The following PDE4B variants were observed in gnomAD, a reference collection of about 807,000 sequenced individuals.
PDE4B encodes the protein 3',5'-cyclic-AMP phosphodiesterase 4B.
PDE4B carries 20 observed loss-of-function variants against 82.2 expected under a neutral mutation model. The ratio of observed to expected loss-of-function variants is 0.24; its 90% CI spans 0.17 to 0.35. The LOEUF is 0.35. PDE4B is among the 10% of genes least tolerant of loss of function. The probability of loss-of-function intolerance (pLI) is 1.00; values close to 1 mark genes in which losing one functional copy is unlikely to be tolerated. For missense variants in PDE4B, 655 were observed against 907.2 expected, an observed-to-expected ratio of 0.72 and a Z score of 3.57; for synonymous variants, 320 against 318.9, an observed-to-expected ratio of 1.00 and a Z score of -0.04.
chr1:65,917,568 C>T (rs1273104415), intron 2 of PDE4B, among the ~76,000 whole-genome samples: 1 of 152,134 alleles, frequency 6.6e-6, no homozygotes, highest in Non-Finnish European at 1.5e-5. Flanking sequence ...TCATTTGGGC[C>T]TCCCACTCCC....
chr1:66,132,994 A>C (rs956183947), intron 3 of PDE4B, among the ~76,000 whole-genome samples: 2 of 152,220 alleles, frequency 1.3e-5, no homozygotes, highest in African/African-American at 4.8e-5. Flanking sequence ...CTGAGGTGGC[A>C]GTGAGATGCA....
intron 6 of PDE4B, among the ~76,000 whole-genome samples, chr1:66,260,392 G>T (rs1198777761): frequency 6.6e-6 from 1 of 152,128 alleles, no homozygotes. Context: ...AAGACATTTA[G>T]GAAGAACTTA....
chr1:66,133,791 C>T (rs572351107), intron 3 of PDE4B, among the ~76,000 whole-genome samples: 3 of 152,188 alleles, frequency 2.0e-5, no homozygotes, highest in East Asian at 3.8e-4. Flanking sequence ...AGAGCCCAGG[C>T]CCTTTGTACT....
At chr1:66,119,086 C>G (rs1242005269) in intron 3 of PDE4B, among the ~76,000 whole-genome samples, 1 of 152,180 alleles carries the variant, frequency 6.6e-6, no homozygotes, top group Non-Finnish European at 1.5e-5. Flanking sequence ...ATCAGAAGAG[C>G]CTTAGAGATC....
intron 3 of PDE4B, among the ~76,000 whole-genome samples, chr1:66,195,024 T>G (rs1165046263): frequency 1.3e-5 from 2 of 152,124 alleles, no homozygotes; most frequent in Non-Finnish European, 2.9e-5. Flanking sequence ...AAACCAAACT[T>G]TGGTTTACAG....
At chr1:66,168,686 C>T (rs1646782703) in intron 3 of PDE4B, among the ~76,000 whole-genome samples, 1 of 152,178 alleles carries the variant, frequency 6.6e-6, no homozygotes, top group African/African-American at 2.4e-5. Flanking sequence ...AGATGTTCAG[C>T]TGGTTAACGA....
intron 1 of PDE4B, among the ~76,000 whole-genome samples, chr1:65,882,085 A>G (rs1222431545): frequency 1.3e-5 from 2 of 152,210 alleles, no homozygotes; most frequent in Admixed American, 1.3e-4. Flanking sequence ...TAAGCAAGGG[A>G]AAGCCTTGCT....
At chr1:66,078,341 C>T (rs1484006549) in intron 3 of PDE4B, among the ~76,000 whole-genome samples, 1 of 151,976 alleles carries the variant, frequency 6.6e-6, no homozygotes, top group Non-Finnish European at 1.5e-5. Flanking sequence ...GGACTACAGG[C>T]ACATGTCACC....
rs539623570 is a variant in PDE4B, at chr1:66,168,765, C to A, written c.282-78695C>A. Among the ~76,000 whole-genome samples, 449 of 152,310 alleles carry A rather than the reference C, an allele frequency of 2.9e-3. 4 individuals carry two copies. The highest frequency in any genetic ancestry group is 0.01 in the African/African-American group (434 of 41,564). ...ATTTTGAAAATAAACTGTAGCAGGA[C>A]AAGGGCATAAGAGGAAGTCCAGTTA... On this transcript the variant is annotated intron_variant, in intron 3 of 16. Coordinates refer to ENST00000341517, the MANE Select transcript of PDE4B (RefSeq NM_002600.4).
intron 3 of PDE4B, among the ~76,000 whole-genome samples, chr1:66,063,716 T>C (rs1487593159): frequency 6.6e-6 from 1 of 151,976 alleles, no homozygotes; most frequent in East Asian, 1.9e-4. Context: ...ATAGAGCAAT[T>C]TTTTTAATTA....
chr1:66,206,021 G>T (rs1649518736), intron 3 of PDE4B, among the ~76,000 whole-genome samples: 1 of 152,174 alleles, frequency 6.6e-6, no homozygotes, highest in Non-Finnish European at 1.5e-5. Context: ...AATGTGCTAG[G>T]AATCAGGGGT....
chr1:65,975,506 A>T (rs1650358692), intron 3 of PDE4B, among the ~76,000 whole-genome samples: 1 of 152,244 alleles, frequency 6.6e-6, no homozygotes, highest in Non-Finnish European at 1.5e-5. Flanking sequence ...CTACTTCAGA[A>T]ATTTGCATAA....
In PDE4B at chr1:66,299,524, G is replaced by A. The variant is rs527850832; in HGVS notation, c.635-32984G>A. Among the ~76,000 whole-genome samples the A allele has an allele frequency of 3.3e-5, 5 of 152,182 alleles. No homozygotes were observed. In the East Asian group the frequency reaches 9.6e-4, roughly 29 times the overall value. ...TATTGTCAATAGTGCTGCAATAAAC[G>A]TGGGGTGCAGATATCTCTCCAATAC... On this transcript the variant is annotated intron_variant, in intron 7 of 16. Transcript: ENST00000341517.
chr1:66,194,161 T>G (rs1332473846), intron 3 of PDE4B, among the ~76,000 whole-genome samples: 1 of 152,074 alleles, frequency 6.6e-6, no homozygotes, highest in African/African-American at 2.4e-5. Context: ...AAGATGTTAT[T>G]CAGCTCTCAT....
At chr1:66,050,152 A>G (rs1328664159) in intron 3 of PDE4B, among the ~76,000 whole-genome samples, 7 of 152,108 alleles carry the variant, frequency 4.6e-5, no homozygotes. Context: ...CTAATATAAT[A>G]TGAGGAAACT....
rs1409031902 is a variant in PDE4B at position 65,997,235 on chromosome 1, T to C, written c.281+78400T>C. On this transcript the variant is annotated intron_variant, in intron 3 of 16. Transcript: ENST00000341517. ...GTGAGGACTACCCTCTATCTCTCTG[T>C]CCATGCTTGCACACAGGAAACAATA... Among the ~76,000 whole-genome samples, 12 of 148,544 alleles carry C rather than the reference T, an allele frequency of 8.1e-5. No individual in the cohort carries two copies. The South Asian group carries it at 2.1e-3, about 26-fold the overall frequency.
At chr1:66,039,086 C>T (rs531184788) in intron 3 of PDE4B, among the ~76,000 whole-genome samples, 11 of 151,954 alleles carry the variant, frequency 7.2e-5, no homozygotes, top group African/African-American at 2.4e-4. Flanking sequence ...GTTCTTGTTA[C>T]CTGAATAAAA....
chr1:66,115,416 C>G, intron 3 of PDE4B, among the ~76,000 whole-genome samples: 1 of 151,408 alleles, frequency 6.6e-6, no homozygotes, highest in South Asian at 2.1e-4. Flanking sequence ...ACACTAAATA[C>G]AGAGGGTTGT....
chr1:66,021,160 G>T (rs1173424833), intron 3 of PDE4B, among the ~76,000 whole-genome samples: 2 of 152,114 alleles, frequency 1.3e-5, no homozygotes, highest in Non-Finnish European at 2.9e-5. Flanking sequence ...TTTTGATGGG[G>T]TTGTTTGATT....
Sources: allele counts gnomAD v4.1 joint callset (sites outside exome capture counted in the v4.1 genomes callset), GRCh38; gene constraint gnomAD v4.1.1; transcripts MANE v1.5; gene names NCBI Gene and HGNC (gene_info 2026-07-23, HGNC 2026-07-21).